Variants in TMEM44 observed in about 807,000 individuals in gnomAD.
TMEM44 encodes the protein transmembrane protein 44.
TMEM44 carries 43 observed loss-of-function variants against 47.8 expected under a neutral mutation model. The ratio of observed to expected loss-of-function variants is 0.90; its 90% CI spans 0.70 to 1.16. The LOEUF (loss-of-function observed/expected upper bound fraction) is 1.16. Ranked by LOEUF, TMEM44 falls within the 50% of genes most tolerant of loss-of-function variation. TMEM44 has a pLI of 0.00. For missense variants in TMEM44, 568 were observed against 555.2 expected, an observed-to-expected ratio of 1.02 and a Z score of -0.23; for synonymous variants, 277 against 238.8, an observed-to-expected ratio of 1.16 and a Z score of -1.48.
chr3:194,593,094 C>T, intron 9 of TMEM44: 1 of 1,613,056 alleles, frequency 6.2e-7, no homozygotes, highest in Non-Finnish European at 8.5e-7. Context: ...AAAAGAGAGA[C>T]AGAAAAAGTG....
At chr3:194,623,756 G>C (rs1158370746) in intron 3 of TMEM44, 61 bp from the exon 4 acceptor site, 1 of 1,600,820 alleles carries the variant, frequency 6.2e-7, no homozygotes. Context: ...AGATCAGATA[G>C]CTGCGTGGGA....
At chr3:194,630,499 C>T (rs1717684692) in intron 1 of TMEM44, among the ~76,000 whole-genome samples, 1 of 16,514 alleles carries the variant, frequency 6.1e-5, no homozygotes, top group Admixed American at 5.0e-4. Context: ...AAATAGTATG[C>T]TGTCGTACCT....
At chr3:194,598,237 C>T (rs1477767344) in intron 9 of TMEM44, among the ~76,000 whole-genome samples, 3 of 152,156 alleles carry the variant, frequency 2.0e-5, no homozygotes, top group Non-Finnish European at 4.4e-5. Context: ...GCCCCACATG[C>T]CCACGGTCCT....
chr3:194,623,466 C>G lies in TMEM44; in HGVS notation c.525+63G>C, dbSNP rs1003121439. The G allele has an allele frequency of 6.1e-5, 93 of 1,525,280 alleles. 2 individuals carry two copies. The South Asian group carries it at 1.1e-3, about 19-fold the overall frequency. The allele number at this position is 1,525,280 out of a possible 1,614,324, so 94.5% of individuals were successfully genotyped here. ...CACTCCCCTAGCCCCGGCCTCATCC[C>G]ACCCTGGGCATTTGGCAGGACATGC... On this transcript the variant is annotated intron_variant, in intron 4 of 9. Transcript: ENST00000347147.
chr3:194,603,922 C>T (rs915698593), intron 9 of TMEM44, among the ~76,000 whole-genome samples: 7 of 152,058 alleles, frequency 4.6e-5, no homozygotes, highest in East Asian at 1.9e-4. Flanking sequence ...GGCGCAATCT[C>T]GGCTCACTGC....
intron 8 of TMEM44, among the ~76,000 whole-genome samples, chr3:194,608,325 C>T (rs935818501): frequency 3.3e-5 from 5 of 152,168 alleles, no homozygotes; most frequent in East Asian, 1.9e-4. Context: ...CGAGTCTCTC[C>T]GGGCACCGGT....
intron 9 of TMEM44, among the ~76,000 whole-genome samples, chr3:194,600,714 G>T (rs1318502132): frequency 2.6e-5 from 4 of 152,058 alleles, no homozygotes; most frequent in Non-Finnish European, 2.9e-5. Flanking sequence ...CTGCGCCACG[G>T]CACTCCAGCC....
rs774113680 is a variant in TMEM44, at chr3:194,617,227, G to A, written c.655C>T (p.Leu219Phe). The change falls in exon 6 of 10, where the codon CTC (leucine) becomes TTC (phenylalanine). Residue 219 changes from leucine to phenylalanine, a missense_variant. Coordinates refer to ENST00000347147, the MANE Select transcript of TMEM44 (RefSeq NM_001011655.3). ...TFPSIHLWTR[L>F]LSALAGLLYA... ...AGGAGGCCAGCCAGGGCCGACAGGA[G>A]CCGGGTCCACAGGTGGATGGAGGGA... 1.2e-5 allele frequency: 18 copies of A among 1,551,486 alleles called. No homozygotes were observed. The highest frequency in any genetic ancestry group is 5.9e-5 in the Admixed American group (3 of 50,690).
chr3:194,604,372 G>T lies in TMEM44; in HGVS notation c.1091C>A (p.Pro364Gln), dbSNP rs151243596. 6.4e-7 allele frequency: 1 copy of T among 1,559,418 alleles called. No homozygotes were observed. Among genetic ancestry groups the T allele is most frequent in the South Asian group, 1.2e-5 (1 of 84,612 alleles). ...GATGACCTGAACGGGAGGGTACGAC[G>T]GGGGGTCCTGCAGGGACGCATCTCC... ...SAGDASLQDP[P>Q]SYPPVQVIRA... is the part of the protein sequence containing the mutation. The change falls in exon 9 of 10, where the codon CCG becomes CAG. Residue 364 changes from proline to glutamine, a missense_variant. Physicochemically the swap from Pro to Gln is moderately conservative, Grantham distance 76. Transcript: ENST00000347147.
intron 8 of TMEM44, 40 bp from the exon 9 acceptor site, chr3:194,604,485 T>A (rs1714556254): frequency 6.8e-7 from 1 of 1,460,680 alleles, no homozygotes; most frequent in African/African-American, 1.4e-5. Context: ...GGACACGTAG[T>A]TTAGTTTTGA....
At position 194,628,464 on chromosome 3, in the gene TMEM44, C is replaced by CG; in HGVS notation, c.182dup (p.Ala62GlyfsTer14). On this transcript the variant is annotated frameshift_variant, in exon 2 of 10. Transcript: ENST00000347147. LOFTEE classifies it high-confidence loss of function. ...GGAGGCAGCACGCAGCACACAGTGC[C>CG]GACTGGTCCTGTCTGGGTTTCTGTG... is the stretch of plus-strand genomic sequence containing the variant. The CG allele has an allele frequency of 1.2e-6, 2 of 1,613,552 alleles. No homozygotes were observed. The highest frequency in any genetic ancestry group is 1.7e-6 in the Non-Finnish European group (2 of 1,179,798).
chr3:194,609,849 C>T (rs575000041), intron 8 of TMEM44, among the ~76,000 whole-genome samples: 2 of 152,202 alleles, frequency 1.3e-5, no homozygotes, highest in South Asian at 2.1e-4. Context: ...CCAGGCCACC[C>T]GCAACAACTT....
At chr3:194,615,421 G>A (rs990061531) in intron 7 of TMEM44, 148 bp downstream of exon 7, 1 of 1,137,124 alleles carries the variant, frequency 8.8e-7, no homozygotes, top group Non-Finnish European at 1.2e-6. Context: ...TATTCCCTCA[G>A]CGAGACAGGA....
At chr3:194,615,427 C>G in intron 7 of TMEM44, 142 bp downstream of exon 7, 3 of 1,195,664 alleles carry the variant, frequency 2.5e-6, no homozygotes, top group Non-Finnish European at 3.5e-6. Flanking sequence ...CTCAGCGAGA[C>G]AGGACAGCTG....
chr3:194,623,967 G>A (rs571787283), intron 3 of TMEM44, among the ~76,000 whole-genome samples: 2 of 152,222 alleles, frequency 1.3e-5, no homozygotes, highest in South Asian at 4.1e-4. Context: ...TTCTCTCTAT[G>A]CATCTGCGTG....
chr3:194,632,753 A>G (rs1349729053), intron 1 of TMEM44, among the ~76,000 whole-genome samples: 1 of 152,162 alleles, frequency 6.6e-6, no homozygotes, highest in Non-Finnish European at 1.5e-5. Context: ...TAGGAGGCCC[A>G]GAGAGGTTCT....
At chr3:194,622,055 G>T (rs994162060) in intron 5 of TMEM44, among the ~76,000 whole-genome samples, 5 of 152,228 alleles carry the variant, frequency 3.3e-5, no homozygotes, top group African/African-American at 1.2e-4. Context: ...CCATGGAGTT[G>T]GGTTTGCCCA....
At chr3:194,618,883 C>T (rs553449879) in intron 5 of TMEM44, among the ~76,000 whole-genome samples, 21 of 152,326 alleles carry the variant, frequency 1.4e-4, no homozygotes, top group South Asian at 4.1e-4. Context: ...ACTGCTTAAC[C>T]GAGAGACAGC....
rs1264783434 is a variant in TMEM44, at chr3:194,588,344, C to A, written c.*185G>T. The A allele has an allele frequency of 8.4e-6, 5 of 591,996 alleles. No individual in the cohort carries two copies. Among genetic ancestry groups the A allele is most frequent in the Non-Finnish European group, 1.2e-5 (4 of 334,234 alleles). 36.7% of individuals were successfully genotyped at this position (591,996 alleles called of 1,614,324 possible). ...GCCTATCCAGGTCTGTCCGCAGTAC[C>A]CAAAGTCGTAGCTCCGTGATGAGCT... On this transcript the variant is annotated 3_prime_UTR_variant, in exon 10 of 10. Coordinates refer to ENST00000347147, the MANE Select transcript of TMEM44 (RefSeq NM_001011655.3).
Sources: allele counts gnomAD v4.1 joint callset (sites outside exome capture counted in the v4.1 genomes callset), GRCh38; gene constraint gnomAD v4.1.1; transcripts MANE v1.5; gene names NCBI Gene and HGNC (gene_info 2026-07-23, HGNC 2026-07-21).